Variants in CLASP2 observed in about 807,000 individuals in gnomAD.
CLASP2 encodes cytoplasmic linker associated protein 2.
CLASP2 carries 47 observed loss-of-function variants against 194.4 expected under a neutral mutation model. The observed-to-expected ratio is 0.24, with a 90% CI of 0.19 to 0.31. The LOEUF is 0.31. Ranked by LOEUF, CLASP2 falls within the 10% of genes least tolerant of loss-of-function variation. CLASP2 has a pLI of 1.00. For synonymous variants in CLASP2, 619 were observed against 633.5 expected, an observed-to-expected ratio of 0.98 and a Z score of 0.34; for missense variants, 1,445 against 1,823.6, an observed-to-expected ratio of 0.79 and a Z score of 3.78.
chr3:33,507,939 T>G (rs1321471413), intron 37 of CLASP2, among the ~76,000 whole-genome samples: 1 of 151,544 alleles, frequency 6.6e-6, no homozygotes, highest in African/African-American at 2.4e-5. Context: ...ATATATCCAT[T>G]GTTTCAATGA....
At chr3:33,514,331 T>C (rs1265318918) in intron 36 of CLASP2, among the ~76,000 whole-genome samples, 1 of 152,166 alleles carries the variant, frequency 6.6e-6, no homozygotes, top group Non-Finnish European at 1.5e-5. Flanking sequence ...ACTAAGCTAA[T>C]AAAGCACAAA....
chr3:33,654,677 T>C (rs2083839977), intron 7 of CLASP2, among the ~76,000 whole-genome samples: 1 of 151,998 alleles, frequency 6.6e-6, no homozygotes, highest in Non-Finnish European at 1.5e-5. Context: ...TAAACTAAAA[T>C]GAAAAAATTT....
At chr3:33,591,145 A>G (rs2068699139) in intron 21 of CLASP2, among the ~76,000 whole-genome samples, 1 of 151,836 alleles carries the variant, frequency 6.6e-6, no homozygotes, top group Non-Finnish European at 1.5e-5. Flanking sequence ...CCACTGCACT[A>G]TAGCCTGGGT....
At chr3:33,587,297 T>C (rs1407838237) in intron 21 of CLASP2, among the ~76,000 whole-genome samples, 2 of 152,022 alleles carry the variant, frequency 1.3e-5, no homozygotes, top group Non-Finnish European at 2.9e-5. Flanking sequence ...AGCTAATTTT[T>C]TGTATTTTTA....
At chr3:33,592,151 A>G (rs1293234330) in intron 21 of CLASP2, 2 of 702,472 alleles carry the variant, frequency 2.8e-6, no homozygotes, top group South Asian at 1.5e-5. Flanking sequence ...AGACAAGACA[A>G]CACCCACTCA....
intron 24 of CLASP2, among the ~76,000 whole-genome samples, chr3:33,575,541 C>G (rs1247479513): frequency 1.3e-5 from 2 of 151,930 alleles, no homozygotes; most frequent in Non-Finnish European, 2.9e-5. Context: ...GGGAAATTAG[C>G]CAAAGCCAAT....
chr3:33,575,940 T>C (rs1486077527), intron 24 of CLASP2, among the ~76,000 whole-genome samples: 1 of 152,218 alleles, frequency 6.6e-6, no homozygotes, highest in African/African-American at 2.4e-5. Flanking sequence ...TAAAGACATC[T>C]ATATTTATAT....
chr3:33,570,866 T>G (rs2063588672), intron 25 of CLASP2, 76 bp from the exon 26 acceptor site: 1 of 1,194,146 alleles, frequency 8.4e-7, no homozygotes, highest in Admixed American at 3.9e-5. Flanking sequence ...TACATATAAT[T>G]TTCTTTAAAA....
chr3:33,670,361 A>G (rs1432309323), intron 6 of CLASP2, among the ~76,000 whole-genome samples: 1 of 152,194 alleles, frequency 6.6e-6, no homozygotes, highest in East Asian at 1.9e-4. Context: ...TCACTTTGCT[A>G]TAATTTATAG....
chr3:33,592,722 A>T (rs1224685132), intron 20 of CLASP2: 1 of 576,748 alleles, frequency 1.7e-6, no homozygotes, highest in African/African-American at 1.9e-5. Context: ...AAACTAAAAG[A>T]TTTACATTCT....
chr3:33,584,362 C>A (rs186812450), intron 22 of CLASP2, among the ~76,000 whole-genome samples: 2 of 150,118 alleles, frequency 1.3e-5, no homozygotes, highest in Non-Finnish European at 3.0e-5. Context: ...GCAGCCTCCA[C>A]CCCAGGTTCA....
chr3:33,622,997 T>C (rs1336538512), intron 10 of CLASP2, among the ~76,000 whole-genome samples: 1 of 151,988 alleles, frequency 6.6e-6, no homozygotes, highest in African/African-American at 2.4e-5. Context: ...TTAGTAGAGA[T>C]GGGGTTTCAC....
At chr3:33,629,652 A>G (rs567471407) in intron 9 of CLASP2, among the ~76,000 whole-genome samples, 1 of 152,304 alleles carries the variant, frequency 6.6e-6, no homozygotes, top group African/African-American at 2.4e-5. Context: ...TGTGAATTCC[A>G]GTAAAAATCA....
chr3:33,573,569 T>C (rs1226074194), intron 24 of CLASP2: 1 of 604,716 alleles, frequency 1.7e-6, no homozygotes, highest in Non-Finnish European at 3.0e-6. Flanking sequence ...CTATGGGAAG[T>C]GGTAGAAGCA....
chr3:33,573,063 A>G, intron 25 of CLASP2, 47 bp downstream of exon 25: 1 of 1,598,926 alleles, frequency 6.3e-7, no homozygotes, highest in Non-Finnish European at 8.5e-7. Flanking sequence ...GTAAAATCAA[A>G]AAGCGCTAAC....
At chr3:33,681,681 C>T (rs1289052460) in intron 6 of CLASP2, among the ~76,000 whole-genome samples, 1 of 152,080 alleles carries the variant, frequency 6.6e-6, no homozygotes, top group African/African-American at 2.4e-5. Context: ...CTTAACAAAA[C>T]ATAATATAAC....
At chr3:33,614,922 T>C (rs1303767686) in intron 12 of CLASP2, among the ~76,000 whole-genome samples, 1 of 151,762 alleles carries the variant, frequency 6.6e-6, no homozygotes, top group East Asian at 1.9e-4. Flanking sequence ...ACCTGGGAGG[T>C]AGAGGTTGCA....
chr3:33,623,402 C>G (rs113296634), intron 10 of CLASP2, among the ~76,000 whole-genome samples: 3 of 152,152 alleles, frequency 2.0e-5, no homozygotes, highest in African/African-American at 7.2e-5. Flanking sequence ...CAACCATCTC[C>G]TCTTTATTCT....
rs138812396 is a variant in CLASP2 at position 33,576,130 on chromosome 3, T to C, written c.2454+39A>G. On this transcript the variant is annotated intron_variant, in intron 24 of 38. Coordinates refer to ENST00000682230, the MANE Select transcript of CLASP2 (RefSeq NM_001365631.1). ...GCCTACTCATTCAACAGTTTCGTAA[T>C]TGGAACATTTATAATGATAAGAAAA... 516 of 1,527,546 alleles carry C rather than the reference T, an allele frequency of 3.4e-4. 1 individual carries two copies. In the African/African-American group the frequency reaches 6.0e-3, roughly 18 times the overall value. The allele number at this position is 1,527,546 out of a possible 1,614,324, so 94.6% of individuals were successfully genotyped here.
Sources: gnomAD v4.1 joint callset for allele counts (sites outside exome capture counted in the v4.1 genomes callset) on GRCh38, gnomAD v4.1.1 for gene constraint, MANE v1.5 for transcripts, NCBI Gene and HGNC (gene_info 2026-07-23, HGNC 2026-07-21) for gene names.